COL23A1: variants seen among roughly 807,000 people sequenced by gnomAD.
The protein encoded by COL23A1 is collagen type XXIII alpha 1 chain.
A neutral mutation model predicts 99.3 loss-of-function variants in COL23A1; 97 were observed. The ratio of observed to expected loss-of-function variants is 0.98; its 90% confidence interval spans 0.83 to 1.16. COL23A1 has a LOEUF of 1.16. COL23A1 is among the 50% of genes most tolerant of loss of function. COL23A1 has a pLI of 0.00. For missense variants in COL23A1, 762 were observed against 757.4 expected, an observed-to-expected ratio of 1.01 and a Z score of -0.07; for synonymous variants, 320 against 308.2, an observed-to-expected ratio of 1.04 and a Z score of -0.40.
At chr5:178,379,041 C>T (rs1763230739) in intron 2 of COL23A1, among the ~76,000 whole-genome samples, 1 of 152,166 alleles carries the variant, frequency 6.6e-6, no homozygotes, top group African/African-American at 2.4e-5. Context: ...TTATACATTT[C>T]ACTGCAGAAA....
chr5:178,270,574 A>T (rs1756234235), intron 5 of COL23A1, among the ~76,000 whole-genome samples: 1 of 152,132 alleles, frequency 6.6e-6, no homozygotes, highest in Admixed American at 6.5e-5. Flanking sequence ...AAGAGAGCCC[A>T]GTTCTTCTCT....
At chr5:178,564,654 A>C (rs1762756990) in intron 1 of COL23A1, among the ~76,000 whole-genome samples, 1 of 152,194 alleles carries the variant, frequency 6.6e-6, no homozygotes, top group African/African-American at 2.4e-5. Flanking sequence ...GAGAACTTGA[A>C]GTCTGGGGGA....
At chr5:178,345,942 T>C (rs1445070909) in intron 2 of COL23A1, among the ~76,000 whole-genome samples, 2 of 152,154 alleles carry the variant, frequency 1.3e-5, no homozygotes, top group East Asian at 1.9e-4. Flanking sequence ...ACACCCTTCA[T>C]AGGCATAAAG....
At chr5:178,249,716 A>ACACACACTCACTCTCTCTCTCTCTCTCT in intron 18 of COL23A1, among the ~76,000 whole-genome samples, 45 of 92,810 alleles carry the variant, frequency 4.8e-4, no homozygotes, top group Non-Finnish European at 7.9e-4. Flanking sequence ...ACACACACAC[A>ACACACACTCACTCTCTCTCTCTCTCTCT]CTCTCTCTCT....
At chr5:178,577,399 G>A (rs1191520094) in intron 1 of COL23A1, among the ~76,000 whole-genome samples, 1 of 152,230 alleles carries the variant, frequency 6.6e-6, no homozygotes, top group Non-Finnish European at 1.5e-5. Flanking sequence ...GGCCGCATCC[G>A]GAGGCCCAGG....
intron 2 of COL23A1, among the ~76,000 whole-genome samples, chr5:178,346,740 ATG>A (rs1760994285): frequency 6.6e-6 from 1 of 152,152 alleles, no homozygotes; most frequent in South Asian, 2.1e-4. Flanking sequence ...CGAAAAGATC[ATG>A]TGTCCCAAGC....
chr5:178,543,809 G>A (rs948604458), intron 2 of COL23A1, among the ~76,000 whole-genome samples: 1 of 152,112 alleles, frequency 6.6e-6, no homozygotes, highest in Non-Finnish European at 1.5e-5. Flanking sequence ...AAACCTACCA[G>A]TGGCTTGCAA....
At chr5:178,540,995 G>A (rs1761254930) in intron 2 of COL23A1, among the ~76,000 whole-genome samples, 1 of 152,180 alleles carries the variant, frequency 6.6e-6, no homozygotes, top group African/African-American at 2.4e-5. Flanking sequence ...TATTTTTAAG[G>A]GAATTGTCAA....
chr5:178,368,058 G>A (rs1264003927), intron 2 of COL23A1, among the ~76,000 whole-genome samples: 2 of 152,240 alleles, frequency 1.3e-5, no homozygotes, highest in Non-Finnish European at 2.9e-5. Flanking sequence ...GAAAGGCTGT[G>A]TGTGAGCAGA....
chr5:178,389,900 C>T (rs771705553), intron 2 of COL23A1, among the ~76,000 whole-genome samples: 3 of 152,190 alleles, frequency 2.0e-5, no homozygotes, highest in Non-Finnish European at 4.4e-5. Flanking sequence ...GAAGTGGCAC[C>T]GGCTGCCCCT....
rs560986794 is a variant in COL23A1 at position 178,359,977 on chromosome 5, G to A, written c.362-53058C>T. ...GGGTTAAGGGTGAGCTTACGGGAGC[G>A]GAAAAGCTTTTCCTGAGGCCAGAGC... On this transcript the variant is annotated intron_variant, in intron 2 of 28. Coordinates refer to ENST00000390654, the MANE Select transcript of COL23A1 (RefSeq NM_173465.4). Among the ~76,000 whole-genome samples the A allele has an allele frequency of 2.6e-5, 4 of 152,274 alleles. No homozygotes were observed. In the East Asian group the frequency reaches 7.7e-4, roughly 29 times the overall value.
chr5:178,507,456 T>C (rs1363659477), intron 2 of COL23A1, among the ~76,000 whole-genome samples: 1 of 152,228 alleles, frequency 6.6e-6, no homozygotes, highest in Non-Finnish European at 1.5e-5. Flanking sequence ...CCACTTCCCG[T>C]GCAAAGCCTC....
intron 1 of COL23A1, chr5:178,562,536 CAGAG>C (rs566788938): frequency 1.4e-5 from 2 of 138,262 alleles, no homozygotes; most frequent in Non-Finnish European, 3.0e-5. Context: ...GCCTGGGCGA[CAGAG>C]AGACTCCGTC....
intron 2 of COL23A1, among the ~76,000 whole-genome samples, chr5:178,393,917 A>C (rs1257574858): frequency 6.6e-6 from 1 of 152,130 alleles, no homozygotes; most frequent in African/African-American, 2.4e-5. Context: ...GTGAGCTACC[A>C]AGCCTGGCTT....
rs73804757 is a variant in COL23A1 at position 178,263,100 on chromosome 5, A to G, written c.639+108T>C. ...CAGTGTCTGGATTAGGGTTAAGGAT[A>G]GTGTGGGGTCTGCACTAGAGATGGG... On this transcript the variant is annotated intron_variant, in intron 9 of 28. Coordinates refer to ENST00000390654, the MANE Select transcript of COL23A1 (RefSeq NM_173465.4). 243 of 834,756 alleles carry G rather than the reference A, an allele frequency of 2.9e-4. No individual in the cohort carries two copies. The African/African-American group carries it at 3.8e-3, about 13-fold the overall frequency. The allele number at this position is 834,756 out of a possible 1,614,324, so 51.7% of individuals were successfully genotyped here.
intron 2 of COL23A1, among the ~76,000 whole-genome samples, chr5:178,422,215 C>T (rs1335741916): frequency 1.3e-5 from 2 of 152,164 alleles, no homozygotes; most frequent in Admixed American, 6.5e-5. Context: ...CAGTTCCCAG[C>T]TCTGTGCAAG....
At chr5:178,568,087 A>G (rs1237705295) in intron 1 of COL23A1, among the ~76,000 whole-genome samples, 1 of 152,248 alleles carries the variant, frequency 6.6e-6, no homozygotes, top group Non-Finnish European at 1.5e-5. Flanking sequence ...GAACATGGCA[A>G]TCCACCTCAG....
At chr5:178,402,674 C>A (rs1338130639) in intron 2 of COL23A1, among the ~76,000 whole-genome samples, 1 of 151,564 alleles carries the variant, frequency 6.6e-6, no homozygotes, top group East Asian at 1.9e-4. Flanking sequence ...ATCACTTGAA[C>A]CCAGGAGTTC....
intron 2 of COL23A1, among the ~76,000 whole-genome samples, chr5:178,545,251 C>T (rs1304885786): frequency 1.3e-5 from 2 of 152,132 alleles, no homozygotes; most frequent in African/African-American, 2.4e-5. Context: ...CCTCTTGAGC[C>T]CCCACGCCCC....
Sources: gnomAD v4.1 joint callset for allele counts (sites outside exome capture counted in the v4.1 genomes callset) on GRCh38, gnomAD v4.1.1 for gene constraint, MANE v1.5 for transcripts, NCBI Gene and HGNC (gene_info 2026-07-23, HGNC 2026-07-21) for gene names.